TJP1: variants seen among roughly 807,000 people sequenced by gnomAD.
TJP1 encodes the protein tight junction protein 1.
In TJP1, 43 loss-of-function variants were observed where a neutral mutation model predicts 194.2. The ratio of observed to expected loss-of-function variants is 0.22; its 90% confidence interval spans 0.17 to 0.29. The LOEUF (loss-of-function observed/expected upper bound fraction) is 0.29. Among genes scored for constraint, TJP1 ranks in the 10% least tolerant of loss-of-function variants. The probability of loss-of-function intolerance (pLI) is 1.00; values close to 1 mark genes in which losing one functional copy is unlikely to be tolerated. For missense variants in TJP1, 1,971 were observed against 2,185.7 expected, an observed-to-expected ratio of 0.90 and a Z score of 1.96; for synonymous variants, 801 against 779.0, an observed-to-expected ratio of 1.03 and a Z score of -0.47.
chr15:29,933,113 G>C (rs1027301093), intron 2 of TJP1, among the ~76,000 whole-genome samples: 5 of 152,040 alleles, frequency 3.3e-5, no homozygotes, highest in Admixed American at 6.6e-5. Context: ...CAATATTTTG[G>C]ATTTTTTCTT....
chr15:29,708,442 T>G (rs1250786512), intron 25 of TJP1, 117 bp downstream of exon 25: 1 of 829,012 alleles, frequency 1.2e-6, no homozygotes, highest in African/African-American at 1.7e-5. Flanking sequence ...ACAACACTCT[T>G]CAGTTTAAAG....
chr15:29,821,012 C>T (rs906819755), intron 1 of TJP1, among the ~76,000 whole-genome samples: 1 of 152,154 alleles, frequency 6.6e-6, no homozygotes, highest in African/African-American at 2.4e-5. Flanking sequence ...ACTACCTGCC[C>T]AAGTATCTCG....
rs533412096 is a variant in TJP1, at chr15:29,821,081, T to G, written c.27+921A>C. Among the ~76,000 whole-genome samples the G allele has an allele frequency of 7.2e-5, 11 of 152,348 alleles. No homozygotes were observed. In the South Asian group the frequency reaches 2.3e-3, roughly 32 times the overall value. Reference sequence around the variant, plus strand: ...AAGGGGAGATTTTTTACTCCTCACATTTCTGTATTCCTTTGTTTGAAATAA... The same window carrying G: ...AAGGGGAGATTTTTTACTCCTCACAGTTCTGTATTCCTTTGTTTGAAATAA... On this transcript the variant is annotated intron_variant, in intron 1 of 27. Transcript: ENST00000614355.
rs182290210 is a variant in TJP1 at position 29,948,041 on chromosome 15, C to T, written c.306+8191G>A. On this transcript the variant is annotated intron_variant, in intron 2 of 28. Coordinates refer to the TJP1 transcript ENST00000356107. ...CAGCACTTTGGGAGGCCAAGGTGGG[C>T]GGATCACGAGGTCAAGAGATCAAGA... is the stretch of plus-strand genomic sequence containing the variant. Among the ~76,000 whole-genome samples, 30 of 152,098 alleles carry T rather than the reference C, an allele frequency of 2.0e-4. No individual in the cohort carries two copies. The East Asian group carries it at 3.9e-3, about 20-fold the overall frequency.
chr15:29,699,618 T>C (rs1260056155), downstream of TJP1: 1 of 152,048 alleles, frequency 6.6e-6, no homozygotes, highest in Non-Finnish European at 1.5e-5. Context: ...AAAAATAAAA[T>C]CCACATAGAT....
intron 24 of TJP1, among the ~76,000 whole-genome samples, chr15:29,710,174 A>G (rs893892775): frequency 2.0e-5 from 3 of 152,134 alleles, no homozygotes; most frequent in Non-Finnish European, 4.4e-5. Context: ...GAGAAAAGGC[A>G]TAAGGACTGG....
chr15:29,795,309 G>A (rs916279099), intron 2 of TJP1, among the ~76,000 whole-genome samples: 3 of 151,568 alleles, frequency 2.0e-5, no homozygotes, highest in African/African-American at 7.3e-5. Context: ...TACAGTCCCA[G>A]CTACTCGAGA....
intron 23 of TJP1, 57 bp downstream of exon 23, chr15:29,716,554 A>G (rs2042574320): frequency 7.9e-7 from 1 of 1,270,912 alleles, no homozygotes; most frequent in Non-Finnish European, 1.1e-6. Flanking sequence ...AATATATTGA[A>G]CTGCACGGGA....
intron 1 of TJP1, among the ~76,000 whole-genome samples, chr15:29,817,928 C>T (rs1005737293): frequency 7.3e-5 from 11 of 151,650 alleles, no homozygotes; most frequent in Non-Finnish European, 1.0e-4. Context: ...ATGATGGGTT[C>T]ATAGGTGCAG....
intron 2 of TJP1, among the ~76,000 whole-genome samples, chr15:29,882,996 C>A (rs377342517): frequency 6.6e-6 from 1 of 152,112 alleles, no homozygotes. Flanking sequence ...TACTTAAATT[C>A]TTTTAAAAAG....
chr15:29,900,650 C>A (rs1187280811), intron 2 of TJP1, among the ~76,000 whole-genome samples: 3 of 152,172 alleles, frequency 2.0e-5, no homozygotes, highest in Admixed American at 2.0e-4. Context: ...AAACTGCATA[C>A]AAACTTGTTT....
chr15:29,847,559 G>A (rs2152076347), intron 2 of TJP1, among the ~76,000 whole-genome samples: 1 of 152,240 alleles, frequency 6.6e-6, no homozygotes, highest in South Asian at 2.1e-4. Context: ...GCTGAGGTGG[G>A]CGGATCACGA....
intron 26 of TJP1, 31 bp from the exon 27 acceptor site, chr15:29,704,336 G>A: frequency 6.4e-7 from 1 of 1,557,454 alleles, no homozygotes; most frequent in Admixed American, 1.9e-5. Context: ...AGGCAGAGAG[G>A]ATGGATGTGG....
intron 2 of TJP1, among the ~76,000 whole-genome samples, chr15:29,784,145 G>A (rs1035070131): frequency 2.0e-5 from 3 of 151,966 alleles, no homozygotes; most frequent in Admixed American, 6.6e-5. Flanking sequence ...AAAAAACTTC[G>A]CTGATACTAT....
At chr15:29,742,112 A>G (rs1459291746) in intron 9 of TJP1, among the ~76,000 whole-genome samples, 2 of 151,940 alleles carry the variant, frequency 1.3e-5, no homozygotes, top group Non-Finnish European at 2.9e-5. Context: ...AGAAAACCCA[A>G]AATAGCCAGG....
At chr15:29,777,747 A>G (rs2047108508) in intron 2 of TJP1, among the ~76,000 whole-genome samples, 1 of 152,192 alleles carries the variant, frequency 6.6e-6, no homozygotes, top group Non-Finnish European at 1.5e-5. Flanking sequence ...TAACTTCTAG[A>G]AAGTACCCTA....
At chr15:29,734,030 T>C (rs1232516397) in intron 12 of TJP1, among the ~76,000 whole-genome samples, 4 of 152,124 alleles carry the variant, frequency 2.6e-5, no homozygotes, top group East Asian at 3.9e-4. Flanking sequence ...TTGTAAAGGG[T>C]TGGATGGCAT....
At chr15:29,789,848 G>A (rs1464578647) in intron 2 of TJP1, among the ~76,000 whole-genome samples, 1 of 152,174 alleles carries the variant, frequency 6.6e-6, no homozygotes, top group Non-Finnish European at 1.5e-5. Flanking sequence ...TCACCTCAGA[G>A]AGAACAAGCT....
chr15:29,800,384 T>A (rs748966648), intron 2 of TJP1: 2 of 488,552 alleles, frequency 4.1e-6, no homozygotes, highest in South Asian at 2.9e-5. Flanking sequence ...GAGTCTTTTA[T>A]CTGATCACTC....
Sources: allele counts gnomAD v4.1 joint callset (sites outside exome capture counted in the v4.1 genomes callset), GRCh38; gene constraint gnomAD v4.1.1; transcripts MANE v1.5; gene names NCBI Gene and HGNC (gene_info 2026-07-23, HGNC 2026-07-21).